ARAP2: variants seen among roughly 807,000 people sequenced by gnomAD.
ARAP2 encodes the protein arf-GAP with Rho-GAP domain, ANK repeat and PH domain-containing protein 2.
In ARAP2, 148 loss-of-function variants were observed where a neutral mutation model predicts 194.5. That is an observed-to-expected ratio of 0.76 (90% CI 0.67 to 0.87). ARAP2 has a LOEUF of 0.87. Ranked by LOEUF, ARAP2 falls within the 40% of genes least tolerant of loss-of-function variation. The pLI is 0.00. For synonymous variants in ARAP2, 695 were observed against 683.5 expected (o/e 1.02, Z -0.26); for missense variants, 2,128 against 1,989.7 (o/e 1.07, Z -1.32).
intron 6 of ARAP2, among the ~76,000 whole-genome samples, chr4:36,017,183 A>G (rs1319713669): frequency 6.6e-6 from 1 of 151,854 alleles, no homozygotes; most frequent in Non-Finnish European, 1.5e-5. Flanking sequence ...TGATGTCAAG[A>G]TAAAAATGAA....
chr4:36,084,277 A>C (rs763422046), intron 28 of ARAP2, among the ~76,000 whole-genome samples: 44 of 152,228 alleles, frequency 2.9e-4, no homozygotes, highest in Non-Finnish European at 5.4e-4. Flanking sequence ...AAATCACATC[A>C]GAAGTGATTT....
chr4:36,124,319 A>G lies in ARAP2; in HGVS notation c.3746+543T>C, dbSNP rs1449030714. Among the ~76,000 whole-genome samples the G allele has an allele frequency of 5.9e-5, 9 of 151,824 alleles. No individual in the cohort carries two copies. In the East Asian group the frequency reaches 9.7e-4, roughly 16 times the overall value. On this transcript the variant is annotated intron_variant, in intron 22 of 32. Coordinates refer to ENST00000303965, the MANE Select transcript of ARAP2 (RefSeq NM_015230.4). Reference sequence around the variant, plus strand: ...ATAATTCCTGCTAAGATTTAAAAAAAAAACTAGTTTTGACTTAAAAGGTTA... The same window carrying G: ...ATAATTCCTGCTAAGATTTAAAAAAGAAACTAGTTTTGACTTAAAAGGTTA...
intron 28 of ARAP2, among the ~76,000 whole-genome samples, chr4:36,084,503 G>A (rs551289336): frequency 1.3e-5 from 2 of 152,042 alleles, no homozygotes; most frequent in East Asian, 3.9e-4. Context: ...AAACAGACTC[G>A]TGAATATATA....
intron 15 of ARAP2, among the ~76,000 whole-genome samples, chr4:36,152,409 A>C (rs1188641244): frequency 6.6e-6 from 1 of 152,236 alleles, no homozygotes; most frequent in Non-Finnish European, 1.5e-5. Flanking sequence ...TAAAGTCAAA[A>C]TACGAATCAA....
chr4:36,018,972 G>C (rs1716401024), intron 6 of ARAP2, among the ~76,000 whole-genome samples: 3 of 150,192 alleles, frequency 2.0e-5, no homozygotes. Context: ...AGGCAGAGGA[G>C]AGCAGCTTGG....
intron 19 of ARAP2, among the ~76,000 whole-genome samples, chr4:36,136,974 G>T (rs949994852): frequency 6.6e-6 from 1 of 151,362 alleles, no homozygotes. Context: ...ACGTATATAT[G>T]TAAAATCAAT....
intron 10 of ARAP2, chr4:36,005,869 T>A (rs1577501541): frequency 6.6e-6 from 1 of 152,232 alleles, no homozygotes; most frequent in East Asian, 1.9e-4. Flanking sequence ...GATCTCTTTT[T>A]TCTTAAAAAG....
intron 26 of ARAP2, among the ~76,000 whole-genome samples, chr4:36,110,392 TC>T (rs1194215154): frequency 6.6e-6 from 1 of 151,854 alleles, no homozygotes; most frequent in African/African-American, 2.4e-5. Context: ...AATAAGACCA[TC>T]TTTTTCTGAT....
At chr4:36,113,766 G>T (rs1197774970) in intron 26 of ARAP2, among the ~76,000 whole-genome samples, 3 of 151,664 alleles carry the variant, frequency 2.0e-5, no homozygotes, top group Non-Finnish European at 4.4e-5. Flanking sequence ...ATAGAAAAAA[G>T]AAAAATAAAA....
At chr4:36,238,242 C>T (rs1752804254) in intron 1 of ARAP2, among the ~76,000 whole-genome samples, 1 of 152,170 alleles carries the variant, frequency 6.6e-6, no homozygotes, top group African/African-American at 2.4e-5. Flanking sequence ...TTCTTTCCCA[C>T]CCACCAAAAC....
rs1725915722 is a variant in ARAP2, at chr4:36,068,121, T to C, written c.4901A>G (p.Asn1634Ser). Reference sequence around the variant, plus strand: ...TTCAGGCTCTGTGTCCTCCAGGCAGTTGAAACTCCGATGTTTTCGGGGTCG... The same window carrying C: ...TTCAGGCTCTGTGTCCTCCAGGCAGCTGAAACTCCGATGTTTTCGGGGTCG... The part of the protein sequence containing the change: ...RNRPRKHRSF[N>S]CLEDTEPEAP... Residue 1634 changes from asparagine (N) to serine (S), a missense_variant, in exon 33 of 33, where the codon AAC (asparagine) becomes AGC (serine). Transcript: ENST00000303965. 2 of 1,614,148 alleles carry C rather than the reference T, an allele frequency of 1.2e-6. No homozygotes were observed. Among genetic ancestry groups the C allele is most frequent in the African/African-American group, 1.3e-5 (1 of 75,058 alleles).
chr4:36,184,752 A>G (rs541497645), intron 8 of ARAP2, among the ~76,000 whole-genome samples: 1 of 152,362 alleles, frequency 6.6e-6, no homozygotes, highest in African/African-American at 2.4e-5. Flanking sequence ...AGAGTCCAAG[A>G]GAAAGGTGAT....
At chr4:36,063,047 T>A (rs1469227249), downstream of ARAP2, among the ~76,000 whole-genome samples, 3 of 152,162 alleles carry the variant, frequency 2.0e-5, no homozygotes, top group African/African-American at 7.2e-5. Flanking sequence ...AAAACTAACA[T>A]AACTAACTCC....
intron 8 of ARAP2, among the ~76,000 whole-genome samples, chr4:36,185,976 CT>C (rs1344289837): frequency 2.0e-5 from 3 of 148,142 alleles, no homozygotes; most frequent in Non-Finnish European, 4.4e-5. Context: ...GAAACTCTGT[CT>C]CAAAAAAAAA....
At chr4:36,061,545 TACC>T (rs1026255650), downstream of ARAP2, among the ~76,000 whole-genome samples, 8 of 152,222 alleles carry the variant, frequency 5.3e-5, no homozygotes, top group African/African-American at 1.9e-4. Context: ...TGTGTATAAG[TACC>T]ACATTTTCTT....
At chr4:36,204,368 G>C (rs538511800) in intron 6 of ARAP2, among the ~76,000 whole-genome samples, 1 of 152,100 alleles carries the variant, frequency 6.6e-6, no homozygotes, top group East Asian at 1.9e-4. Context: ...CAATGTTTAG[G>C]GGGGAAAAAA....
Position 36,117,106 on chromosome 4 carries a change from T to C in ARAP2, c.3993A>G (p.Glu1331=). ...QVSQAGDLLI[E]VYVERKEPDC... ...CGGGTTCCTTCCTTTCTACATATAC[T>C]TCAATTAACAAATCTCCAGCCTGGG... The change falls in exon 25 of 33, where the codon GAA becomes GAG. Residue 1331 remains glutamate (E), a synonymous_variant. Coordinates refer to ENST00000303965, the MANE Select transcript of ARAP2 (RefSeq NM_015230.4). 6.2e-7 allele frequency: 1 copy of C among 1,600,296 alleles called. No individual in the cohort carries two copies.
intron 9 of ARAP2, among the ~76,000 whole-genome samples, chr4:36,009,237 A>G (rs1713928596): frequency 6.6e-6 from 1 of 152,060 alleles, no homozygotes. Context: ...CAAAAAGAAC[A>G]ATATGTTCAT....
chr4:36,158,621 C>T (rs1225955135), intron 15 of ARAP2, 109 bp downstream of exon 15: 9 of 918,678 alleles, frequency 9.8e-6, no homozygotes, highest in Non-Finnish European at 1.5e-5. Context: ...AATATCTCTA[C>T]TTGGAGATCA....
Sources: allele counts gnomAD v4.1 joint callset (sites outside exome capture counted in the v4.1 genomes callset), GRCh38; gene constraint gnomAD v4.1.1; transcripts MANE v1.5; gene names NCBI Gene and HGNC (gene_info 2026-07-23, HGNC 2026-07-21).